ZC3H11A: variants seen among roughly 807,000 people sequenced by gnomAD.
The protein encoded by ZC3H11A is zinc finger CCCH domain-containing protein 11A.
A neutral mutation model predicts 90.8 loss-of-function variants in ZC3H11A; 22 were observed. The observed-to-expected ratio is 0.24, with a 90% CI of 0.17 to 0.35. ZC3H11A has a LOEUF of 0.35. Among genes scored for constraint, ZC3H11A ranks in the 10% least tolerant of loss-of-function variants. The pLI, the probability that ZC3H11A is intolerant of heterozygous loss-of-function variation, is 1.00. For synonymous variants in ZC3H11A, 294 were observed against 339.8 expected (o/e 0.87, Z 1.48); for missense variants, 701 against 964.9 (o/e 0.73, Z 3.62).
chr1:203,848,289 G>C (rs1688426704), intron 13 of ZC3H11A, 42 bp from the exon 14 acceptor site: 2 of 1,528,354 alleles, frequency 1.3e-6, no homozygotes, highest in Non-Finnish European at 1.8e-6. Flanking sequence ...TGAAGTTGCA[G>C]CTTAAATAAA....
intron 4 of ZC3H11A, among the ~76,000 whole-genome samples, chr1:203,821,902 T>C (rs946726659): frequency 8.6e-5 from 13 of 151,858 alleles, no homozygotes; most frequent in East Asian, 1.9e-4. Flanking sequence ...GGATTACAGG[T>C]GCCCGCCACC....
intron 2 of ZC3H11A, chr1:203,805,693 C>T: frequency 1.5e-6 from 1 of 668,764 alleles, no homozygotes; most frequent in Non-Finnish European, 2.9e-6. Context: ...AGTGGGAACA[C>T]CTTCTGGAAT....
intron 8 of ZC3H11A, 82 bp from the exon 9 acceptor site, chr1:203,831,579 T>A (rs1682395074): frequency 8.6e-7 from 1 of 1,164,448 alleles, no homozygotes; most frequent in South Asian, 1.3e-5. Context: ...TGGACTTAAC[T>A]GGTTACAAAA....
intron 13 of ZC3H11A, 43 bp from the exon 14 acceptor site, chr1:203,848,288 A>G (rs1309304510): frequency 9.3e-6 from 14 of 1,507,380 alleles, no homozygotes; most frequent in Admixed American, 3.8e-5. Flanking sequence ...ATGAAGTTGC[A>G]GCTTAAATAA....
At chr1:203,804,238 G>A (rs999600423) in intron 2 of ZC3H11A, among the ~76,000 whole-genome samples, 9 of 147,114 alleles carry the variant, frequency 6.1e-5, no homozygotes, top group Non-Finnish European at 1.0e-4. Flanking sequence ...TGCAAACTCC[G>A]CCTCCCGGGT....
chr1:203,824,817 C>T (rs1011907191), intron 4 of ZC3H11A, among the ~76,000 whole-genome samples: 10 of 152,084 alleles, frequency 6.6e-5, no homozygotes, highest in Non-Finnish European at 1.2e-4. Flanking sequence ...CGGTGGCTCA[C>T]GCCTGTAATC....
At position 203,833,863 on chromosome 1, in the gene ZC3H11A, GT is replaced by G; in HGVS notation, c.874+14del. 6.2e-7 allele frequency: 1 copy of G among 1,607,052 alleles called. No individual in the cohort carries two copies. On this transcript the variant is annotated intron_variant, in intron 10 of 17. Transcript: ENST00000367210. ...CGAAAATTTTCAGCAGGTAAGATAA[GT>G]TTTGTGTATATCTTTTCTTTTCTAC...
In ZC3H11A at chr1:203,799,840, G is replaced by A. The variant is rs1669978677; in HGVS notation, c.-1587-1735G>A. On this transcript the variant is annotated intron_variant, in intron 1 of 17. Transcript: ENST00000367210. Reference sequence around the variant, plus strand: ...ATCTTGGCTACTTTGTTAGATCCTTGCTTTAAAAACAGTTTGGAAGACTTT... The same window carrying A: ...ATCTTGGCTACTTTGTTAGATCCTTACTTTAAAAACAGTTTGGAAGACTTT... The A allele has an allele frequency of 6.6e-7, 1 of 1,521,258 alleles. No homozygotes were observed. Among genetic ancestry groups the A allele is most frequent in the African/African-American group, 1.4e-5 (1 of 72,742 alleles). 94.2% of individuals were successfully genotyped at this position (1,521,258 alleles called of 1,614,324 possible). A position where few individuals can be genotyped will look rare whatever the true frequency, so the allele number is the denominator to read the frequency against.
chr1:203,841,143 T>G (rs905962705), intron 12 of ZC3H11A, among the ~76,000 whole-genome samples: 46 of 132,556 alleles, frequency 3.5e-4, no homozygotes, highest in African/African-American at 1.2e-3. Flanking sequence ...CATAAGAATC[T>G]TTTTTTTTTT....
chr1:203,850,056 A>C, intron 15 of ZC3H11A, 30 bp downstream of exon 15: 1 of 1,594,796 alleles, frequency 6.3e-7, no homozygotes, highest in Non-Finnish European at 8.5e-7. Flanking sequence ...GTATTGCTTT[A>C]GGTTATCAAA....
chr1:203,814,198 C>T (rs535921928), intron 2 of ZC3H11A, among the ~76,000 whole-genome samples: 131 of 152,240 alleles, frequency 8.6e-4, no homozygotes, highest in African/African-American at 2.9e-3. Flanking sequence ...CCCAACACAA[C>T]CCAATTCTAA....
Position 203,848,343 on chromosome 1 carries a change from A to G in ZC3H11A, c.1559A>G (p.Glu520Gly), listed in dbSNP as rs1375928633. 1 of 1,612,802 alleles carries G rather than the reference A, an allele frequency of 6.2e-7. No individual in the cohort carries two copies. Among genetic ancestry groups the G allele is most frequent in the Admixed American group, 1.7e-5 (1 of 59,790 alleles). Residue 520 changes from glutamate (E) to glycine (G), a missense_variant, in exon 14 of 18, where the codon GAG (glutamate) becomes GGG (glycine). By Grantham distance (98) the Glu-to-Gly change is moderately conservative. Around this residue, in one of 4 missense-constraint regions of ZC3H11A, gnomAD observed 530 missense variants for 696.2 expected, o/e 0.76. Transcript: ENST00000367210. Reference protein sequence around the residue: ...RITKRTGMKEEKNLQEGNEVD... With the variant: ...RITKRTGMKEGKNLQEGNEVD... ...AATGTGAATACAGGGATGAAAGAAG[A>G]GAAGAACCTTCAGGAAGGAAATGAA... is the stretch of plus-strand genomic sequence containing the variant.
At chr1:203,837,064 G>C (rs1254270745) in intron 10 of ZC3H11A, among the ~76,000 whole-genome samples, 1 of 152,126 alleles carries the variant, frequency 6.6e-6, no homozygotes, top group Non-Finnish European at 1.5e-5. Flanking sequence ...GGAGGCTGAA[G>C]TGGGCAGATC....
Position 203,850,646 on chromosome 1 carries a change from G to A in ZC3H11A, c.2071G>A (p.Val691Ile), listed in dbSNP as rs1689032900. 6.2e-7 allele frequency: 1 copy of A among 1,614,038 alleles called. No individual in the cohort carries two copies. The highest frequency in any genetic ancestry group is 1.7e-5 in the Admixed American group (1 of 59,990). The change falls in exon 16 of 18, where the codon GTC (valine) becomes ATC (isoleucine). Residue 691 changes from valine to isoleucine, a missense_variant. Val to Ile is a conservative substitution (Grantham distance 29, BLOSUM62 3). This residue lies in a region of ZC3H11A where 530 missense variants were observed against 696.2 expected (regional missense o/e 0.76). Coordinates refer to ENST00000367210, the MANE Select transcript of ZC3H11A (RefSeq NM_001376342.1). ...TGTGAAGCCACTCAGCTCCAGCAGT[G>A]TCCTACAGGAACCCCCAGCCAAAAA... ...AAVKPLSSSSVLQEPPAKKAA... is the reference protein window; with the variant it reads ...AAVKPLSSSSILQEPPAKKAA...
chr1:203,814,020 A>G (rs1342202965), intron 2 of ZC3H11A, among the ~76,000 whole-genome samples: 1 of 151,852 alleles, frequency 6.6e-6, no homozygotes, highest in East Asian at 1.9e-4. Flanking sequence ...TAAATTTTCA[A>G]GTTCAGATTC....
At chr1:203,819,084 A>G (rs1453423707) in intron 4 of ZC3H11A, among the ~76,000 whole-genome samples, 1 of 66,352 alleles carries the variant, frequency 1.5e-5, no homozygotes, top group Non-Finnish European at 3.7e-5. Flanking sequence ...AAAAATATAT[A>G]TATATACACA....
chr1:203,799,574 A>C lies in ZC3H11A; in HGVS notation c.-1587-2001A>C, dbSNP rs532782986. Reference sequence around the variant, plus strand: ...TGCTCACCTCCCTTCAGTGGACTCTAATGACTTATGTTTGTGATATTCTTA... The same window carrying C: ...TGCTCACCTCCCTTCAGTGGACTCTCATGACTTATGTTTGTGATATTCTTA... On this transcript the variant is annotated intron_variant, in intron 1 of 17. Coordinates refer to ENST00000367210, the MANE Select transcript of ZC3H11A (RefSeq NM_001376342.1). The C allele has an allele frequency of 1.0e-5, 7 of 703,004 alleles. No individual in the cohort carries two copies. The African/African-American group carries it at 1.0e-4, about 11-fold the overall frequency. 43.5% of individuals were successfully genotyped at this position (703,004 alleles called of 1,614,324 possible).
rs528735360 is a variant in ZC3H11A, at chr1:203,834,670, A to G, written c.874+817A>G. Among the ~76,000 whole-genome samples the G allele has an allele frequency of 3.9e-5, 6 of 152,118 alleles. No individual in the cohort carries two copies. The South Asian group carries it at 1.0e-3, about 26-fold the overall frequency. On this transcript the variant is annotated intron_variant, in intron 10 of 17. Coordinates refer to ENST00000367210, the MANE Select transcript of ZC3H11A (RefSeq NM_001376342.1). ...CAAAAAATTATTATTATCATTTGAA[A>G]CGAGAGTCTTGCTCTGTCGCCCACG...
intron 1 of ZC3H11A, chr1:203,800,679 T>G (rs1454152042): frequency 2.4e-6 from 1 of 408,666 alleles, no homozygotes; most frequent in African/African-American, 2.1e-5. Context: ...AAAATTTTGC[T>G]TATACCAATG....
Sources: allele counts gnomAD v4.1 joint callset (sites outside exome capture counted in the v4.1 genomes callset), GRCh38; gene constraint gnomAD v4.1.1; regional missense constraint gnomAD v4.1.1; transcripts MANE v1.5; gene names NCBI Gene and HGNC (gene_info 2026-07-23, HGNC 2026-07-21).